VRK1: variants seen among roughly 807,000 people sequenced by gnomAD.
The protein encoded by VRK1 is serine/threonine-protein kinase VRK1.
VRK1 carries 33 observed loss-of-function variants against 57.1 expected under a neutral mutation model. The observed-to-expected ratio is 0.58, with a 90% CI of 0.44 to 0.77. The LOEUF is 0.77. Among genes scored for constraint, VRK1 ranks in the 30% least tolerant of loss-of-function variants. The pLI is 0.00. For missense variants in VRK1, 413 were observed against 477.3 expected, an observed-to-expected ratio of 0.87 and a Z score of 1.25; for synonymous variants, 137 against 147.8, an observed-to-expected ratio of 0.93 and a Z score of 0.53.
At chr14:96,827,029 A>G (rs1414457495) in intron 1 of VRK1, among the ~76,000 whole-genome samples, 1 of 152,164 alleles carries the variant, frequency 6.6e-6, no homozygotes, top group Non-Finnish European at 1.5e-5. Context: ...TGTGTTCTCT[A>G]AAGAAAGGGG....
At chr14:96,816,318 C>T (rs745744132) in intron 1 of VRK1, among the ~76,000 whole-genome samples, 3 of 152,156 alleles carry the variant, frequency 2.0e-5, no homozygotes, top group Non-Finnish European at 4.4e-5. Flanking sequence ...ACTGTGCCAC[C>T]TACAAAATAC....
chr14:96,861,943 T>A (rs975193550), intron 11 of VRK1, among the ~76,000 whole-genome samples: 1 of 152,222 alleles, frequency 6.6e-6, no homozygotes, highest in African/African-American at 2.4e-5. Flanking sequence ...ATGTTTCTTA[T>A]TGCTCAGGAT....
chr14:96,849,292 G>T (rs1331868675), intron 5 of VRK1, among the ~76,000 whole-genome samples: 1 of 152,082 alleles, frequency 6.6e-6, no homozygotes, highest in Non-Finnish European at 1.5e-5. Flanking sequence ...TTGACTGTGT[G>T]CTCCAGTATA....
At chr14:96,868,367 C>T (rs549116187) in intron 11 of VRK1, among the ~76,000 whole-genome samples, 32 of 152,160 alleles carry the variant, frequency 2.1e-4, no homozygotes, top group African/African-American at 3.6e-4. Flanking sequence ...AGGGTGGGAC[C>T]GTCGGGATTT....
Position 96,881,203 on chromosome 14 carries a change from A to T in VRK1, c.1186A>T (p.Lys396Ter). Reference sequence around the variant, plus strand: ...TTCAAGAACCAGAAAGAGAGTCCAGAAGTAATTCAGATGCTGTGAACCAGA... The same window carrying T: ...TTCAAGAACCAGAAAGAGAGTCCAGTAGTAATTCAGATGCTGTGAACCAGA... ...TRSRTRKRVQ[K>*] The change falls in exon 13 of 13, where the codon AAG becomes TAG. Residue 396 changes from lysine (K) to a stop codon, truncating the protein, a stop_gained. Coordinates refer to ENST00000216639, the MANE Select transcript of VRK1 (RefSeq NM_003384.3). LOFTEE classifies it high-confidence loss of function. 1 of 1,605,224 alleles carries T rather than the reference A, an allele frequency of 6.2e-7. No homozygotes were observed. The highest frequency in any genetic ancestry group is 8.5e-7 in the Non-Finnish European group (1 of 1,175,032).
chr14:96,815,638 C>T (rs1175758718), intron 1 of VRK1, among the ~76,000 whole-genome samples: 3 of 151,926 alleles, frequency 2.0e-5, no homozygotes, highest in Non-Finnish European at 4.4e-5. Flanking sequence ...AATCCCAACA[C>T]TTTGGAAGGC....
At chr14:96,818,313 C>G (rs1235361649) in intron 1 of VRK1, among the ~76,000 whole-genome samples, 3 of 152,178 alleles carry the variant, frequency 2.0e-5, no homozygotes, top group African/African-American at 7.2e-5. Flanking sequence ...AAGCATTTTA[C>G]TCACTATACC....
At chr14:96,849,967 A>G (rs558591242) in intron 5 of VRK1, among the ~76,000 whole-genome samples, 2 of 152,310 alleles carry the variant, frequency 1.3e-5, no homozygotes, top group South Asian at 2.1e-4. Context: ...CACTGCTGGA[A>G]AGAACTTCCC....
At chr14:96,856,661 G>C in intron 10 of VRK1, 75 bp downstream of exon 10, 1 of 1,290,424 alleles carries the variant, frequency 7.7e-7, no homozygotes, top group Non-Finnish European at 1.1e-6. Flanking sequence ...CCATGGAATA[G>C]CCCTTAATGT....
intron 11 of VRK1, chr14:96,860,982 A>G: frequency 3.1e-6 from 1 of 320,504 alleles, no homozygotes; most frequent in South Asian, 4.9e-5. Flanking sequence ...CTGATATCTG[A>G]CAGGGAAATT....
chr14:96,822,808 T>C (rs1886653186), intron 1 of VRK1, among the ~76,000 whole-genome samples: 1 of 152,188 alleles, frequency 6.6e-6, no homozygotes, highest in African/African-American at 2.4e-5. Context: ...TACCCTGTGG[T>C]GAAATTCAGA....
At chr14:96,874,626 T>C (rs2139843360) in intron 11 of VRK1, among the ~76,000 whole-genome samples, 1 of 152,324 alleles carries the variant, frequency 6.6e-6, no homozygotes, top group Admixed American at 6.5e-5. Context: ...TTCAGTCAAG[T>C]TGTTATTTTT....
At chr14:96,821,467 A>C (rs959007204) in intron 1 of VRK1, among the ~76,000 whole-genome samples, 8 of 152,144 alleles carry the variant, frequency 5.3e-5, no homozygotes, top group African/African-American at 1.9e-4. Context: ...AAAATACCAG[A>C]ACTCTTAGGT....
rs376262274 is a variant in VRK1, at chr14:96,872,623, A to G, written c.1069-3407A>G. 1.2e-3 allele frequency among the ~76,000 whole-genome samples: 188 copies of G among 152,356 alleles called. 5 individuals are homozygous for G. The South Asian group carries it at 0.037, about 30-fold the overall frequency. On this transcript the variant is annotated intron_variant, in intron 11 of 12. Coordinates refer to ENST00000216639, the MANE Select transcript of VRK1 (RefSeq NM_003384.3). ...GTGGAAAGGAAATTGCAATAAGAAT[A>G]AAGAGCTCTGAGTTCTAGTCTTTTC...
At chr14:96,875,672 C>T (rs1438181632) in intron 11 of VRK1, among the ~76,000 whole-genome samples, 5 of 152,060 alleles carry the variant, frequency 3.3e-5, no homozygotes, top group African/African-American at 4.8e-5. Context: ...GAGTGGTGAT[C>T]GTGAGTTTGT....
At chr14:96,844,034 C>T (rs948977179) in intron 3 of VRK1, among the ~76,000 whole-genome samples, 7 of 152,136 alleles carry the variant, frequency 4.6e-5, no homozygotes, top group Admixed American at 4.6e-4. Flanking sequence ...ACTGATTTGT[C>T]TTAGGAAAAC....
At chr14:96,866,769 A>G (rs1888603856) in intron 11 of VRK1, among the ~76,000 whole-genome samples, 1 of 151,796 alleles carries the variant, frequency 6.6e-6, no homozygotes, top group African/African-American at 2.4e-5. Context: ...TGTCTGACAA[A>G]CTTCATGGTC....
chr14:96,868,765 A>G (rs1472758077), intron 11 of VRK1, among the ~76,000 whole-genome samples: 1 of 151,234 alleles, frequency 6.6e-6, no homozygotes, highest in Non-Finnish European at 1.5e-5. Flanking sequence ...TTCTGATATA[A>G]TGGCCAGTTC....
At chr14:96,852,231 C>T (rs1021424236) in intron 5 of VRK1, among the ~76,000 whole-genome samples, 8 of 152,198 alleles carry the variant, frequency 5.3e-5, no homozygotes, top group African/African-American at 1.9e-4. Flanking sequence ...GCCAAGGTGA[C>T]ATAGCTGCTT....
Sources: allele counts gnomAD v4.1 joint callset (sites outside exome capture counted in the v4.1 genomes callset), GRCh38; gene constraint gnomAD v4.1.1; transcripts MANE v1.5; gene names NCBI Gene and HGNC (gene_info 2026-07-23, HGNC 2026-07-21).